The following EPB41L5 variants were observed in gnomAD, a reference collection of about 807,000 sequenced individuals.
EPB41L5 encodes erythrocyte membrane protein band 4.1 like 5.
A neutral mutation model predicts 106.6 loss-of-function variants in EPB41L5; 55 were observed. That is an observed-to-expected ratio of 0.52 (90% CI 0.42 to 0.65). The LOEUF is 0.65. Among genes scored for constraint, EPB41L5 ranks in the 30% least tolerant of loss-of-function variants. The probability of loss-of-function intolerance (pLI) is 0.00; values close to 1 mark genes in which losing one functional copy is unlikely to be tolerated. For missense variants in EPB41L5, 871 were observed against 882.1 expected (o/e 0.99, Z 0.16); for synonymous variants, 297 against 306.7 (o/e 0.97, Z 0.33).
chr2:120,070,337 TAA>T (rs1681773245), intron 3 of EPB41L5, among the ~76,000 whole-genome samples: 1 of 152,026 alleles, frequency 6.6e-6, no homozygotes, highest in African/African-American at 2.4e-5. Flanking sequence ...AGGCAGTAAT[TAA>T]TAGCCTACCA....
intron 13 of EPB41L5, among the ~76,000 whole-genome samples, chr2:120,092,290 A>G (rs1255111426): frequency 1.3e-5 from 2 of 152,254 alleles, no homozygotes; most frequent in African/African-American, 4.8e-5. Context: ...TGGCCTCCCG[A>G]ATCCTAAAAG....
Position 120,139,689 on chromosome 2 carries a change from C to T in EPB41L5, c.1600-3314C>T, listed in dbSNP as rs80048209. Among the ~76,000 whole-genome samples, 796 of 151,930 alleles carry T rather than the reference C, an allele frequency of 5.2e-3. 4 individuals are homozygous for T. The highest frequency in any genetic ancestry group is 0.018 in the African/African-American group (759 of 41,480). On this transcript the variant is annotated intron_variant, in intron 18 of 24. Coordinates refer to ENST00000263713, the MANE Select transcript of EPB41L5 (RefSeq NM_020909.4). ...AAAGACAGGCAATAATGAATGCTGA[C>T]GAGGATGTGGAGAGAAAGGAACCCT...
At chr2:120,137,261 A>G (rs1266397248) in intron 18 of EPB41L5, among the ~76,000 whole-genome samples, 1 of 152,126 alleles carries the variant, frequency 6.6e-6, no homozygotes, top group East Asian at 1.9e-4. Context: ...ACATCACAAA[A>G]GTAGAACAAT....
intron 16 of EPB41L5, among the ~76,000 whole-genome samples, chr2:120,114,738 C>A (rs1245414334): frequency 6.6e-6 from 1 of 152,130 alleles, no homozygotes; most frequent in Admixed American, 6.5e-5. Flanking sequence ...GGAGAATGTT[C>A]CGTTTGTACT....
intron 11 of EPB41L5, among the ~76,000 whole-genome samples, chr2:120,087,644 C>T (rs566116143): frequency 2.0e-5 from 3 of 152,244 alleles, no homozygotes; most frequent in South Asian, 2.1e-4. Flanking sequence ...GCCACCACCA[C>T]GCCTGGCTGA....
chr2:120,019,893 T>C (rs2105123755), intron 2 of EPB41L5, among the ~76,000 whole-genome samples: 1 of 123,656 alleles, frequency 8.1e-6, no homozygotes, highest in African/African-American at 3.1e-5. Flanking sequence ...GTTGTAATTA[T>C]ATTTGCATTT....
At chr2:120,131,590 T>TTATTTTC in intron 17 of EPB41L5, 28 bp from the exon 18 acceptor site, 1 of 1,548,384 alleles carries the variant, frequency 6.5e-7, no homozygotes, top group Non-Finnish European at 8.9e-7. Flanking sequence ...CAGACTGGGG[T>TTATTTTC]TATTTTGCCT....
At chr2:120,035,198 T>G (rs936967187) in intron 2 of EPB41L5, among the ~76,000 whole-genome samples, 3 of 152,184 alleles carry the variant, frequency 2.0e-5, no homozygotes, top group African/African-American at 7.2e-5. Flanking sequence ...CTGTATAACC[T>G]TTATCACTCG....
intron 22 of EPB41L5, among the ~76,000 whole-genome samples, chr2:120,165,571 C>T (rs1374600768): frequency 6.6e-6 from 1 of 152,022 alleles, no homozygotes; most frequent in African/African-American, 2.4e-5. Context: ...TTTTTCCCTC[C>T]AAATATTTTC....
chr2:120,014,428 A>G (rs1441810724), intron 1 of EPB41L5, among the ~76,000 whole-genome samples: 3 of 152,184 alleles, frequency 2.0e-5, no homozygotes, highest in African/African-American at 4.8e-5. Flanking sequence ...TGTTGGGCCA[A>G]AGTAGTGAAC....
intron 17 of EPB41L5, among the ~76,000 whole-genome samples, chr2:120,128,256 AACACAC>A (rs3084679): frequency 6.9e-5 from 10 of 145,348 alleles, no homozygotes; most frequent in African/African-American, 1.0e-4. Context: ...GGTGCTTTAA[AACACAC>A]ACACACACAC....
At chr2:120,016,068 T>C (rs1677503237) in intron 1 of EPB41L5, among the ~76,000 whole-genome samples, 1 of 152,200 alleles carries the variant, frequency 6.6e-6, no homozygotes, top group East Asian at 1.9e-4. Context: ...AAAGCACATG[T>C]GTGATTTTTT....
At chr2:120,164,733 A>AATC in intron 21 of EPB41L5, 103 bp from the exon 22 acceptor site, 1 of 713,104 alleles carries the variant, frequency 1.4e-6, no homozygotes, top group African/African-American at 1.8e-5. Context: ...GATTAACACT[A>AATC]ATCAGGCCTG....
intron 18 of EPB41L5, among the ~76,000 whole-genome samples, chr2:120,134,911 C>T (rs540518249): frequency 6.6e-6 from 1 of 152,136 alleles, no homozygotes; most frequent in East Asian, 1.9e-4. Flanking sequence ...AAACAAGCAT[C>T]CAAGATCATC....
chr2:120,061,079 T>C (rs186833902), intron 3 of EPB41L5, among the ~76,000 whole-genome samples: 89 of 139,250 alleles, frequency 6.4e-4, no homozygotes, highest in Non-Finnish European at 1.1e-3. Flanking sequence ...CTCACTCTGT[T>C]GCCCAGGCTG....
intron 2 of EPB41L5, among the ~76,000 whole-genome samples, chr2:120,023,049 T>A (rs1678046820): frequency 6.6e-6 from 1 of 152,204 alleles, no homozygotes; most frequent in Admixed American, 6.5e-5. Context: ...TCTTGTAAAT[T>A]TGTTTAAGTT....
At chr2:120,041,377 C>G (rs1220612596) in intron 2 of EPB41L5, among the ~76,000 whole-genome samples, 1 of 152,044 alleles carries the variant, frequency 6.6e-6, no homozygotes, top group African/African-American at 2.4e-5. Context: ...ATCATGAGAC[C>G]ACATTTTGAG....
At chr2:120,129,515 G>A (rs1685606676) in intron 17 of EPB41L5, among the ~76,000 whole-genome samples, 1 of 152,142 alleles carries the variant, frequency 6.6e-6, no homozygotes, top group South Asian at 2.1e-4. Context: ...AGAGATGGCA[G>A]TATTGATTTT....
chr2:120,073,417 T>C (rs917077688), intron 4 of EPB41L5, among the ~76,000 whole-genome samples, 197 bp downstream of exon 4: 4 of 152,204 alleles, frequency 2.6e-5, no homozygotes, highest in South Asian at 4.1e-4. Context: ...TTAAACTGCA[T>C]TGGGGCTTAA....
Sources: allele counts gnomAD v4.1 joint callset (sites outside exome capture counted in the v4.1 genomes callset), GRCh38; gene constraint gnomAD v4.1.1; transcripts MANE v1.5; gene names NCBI Gene and HGNC (gene_info 2026-07-23, HGNC 2026-07-21).